SLIT2: variants seen among roughly 807,000 people sequenced by gnomAD.
SLIT2 encodes the protein slit homolog 2 protein.
Under a neutral mutation model 185.7 loss-of-function variants are expected in SLIT2, and 41 were observed. That is an observed-to-expected ratio of 0.22 (90% confidence interval 0.17 to 0.29). SLIT2 has a LOEUF of 0.29. Ranked by LOEUF, SLIT2 falls within the 10% of genes least tolerant of loss-of-function variation. The probability of loss-of-function intolerance (pLI) is 1.00; values close to 1 mark genes in which losing one functional copy is unlikely to be tolerated. For synonymous variants in SLIT2, 693 were observed against 680.2 expected (o/e 1.02, Z -0.29); for missense variants, 1,571 against 1,909.0 (o/e 0.82, Z 3.30).
At chr4:20,565,730 GAAGT>G (rs1203667702) in intron 26 of SLIT2, among the ~76,000 whole-genome samples, 1 of 151,806 alleles carries the variant, frequency 6.6e-6, no homozygotes, top group African/African-American at 2.4e-5. Flanking sequence ...ATCACTAGAA[GAAGT>G]AAGCACCACC....
chr4:20,453,992 G>A (rs531024215), intron 4 of SLIT2, among the ~76,000 whole-genome samples: 42 of 152,256 alleles, frequency 2.8e-4, no homozygotes, highest in African/African-American at 9.4e-4. Flanking sequence ...TTTGTTCACA[G>A]GAAGGCATAC....
chr4:20,531,047 G>T (rs1038672184), intron 16 of SLIT2, among the ~76,000 whole-genome samples: 6 of 151,796 alleles, frequency 4.0e-5, no homozygotes, highest in Non-Finnish European at 8.8e-5. Flanking sequence ...TGAATGTAAA[G>T]CTTCTATGGA....
chr4:20,359,654 A>G (rs1385443577), intron 4 of SLIT2, among the ~76,000 whole-genome samples: 1 of 151,998 alleles, frequency 6.6e-6, no homozygotes, highest in Non-Finnish European at 1.5e-5. Context: ...GGTGCTCAGA[A>G]ATGTTGAATC....
At chr4:20,536,568 A>AGAC (rs1560174621) in intron 18 of SLIT2, among the ~76,000 whole-genome samples, 18 of 150,894 alleles carry the variant, frequency 1.2e-4, no homozygotes, top group African/African-American at 4.1e-4. Context: ...CAAAAAAAAA[A>AGAC]AAAAAAAAAA....
intron 4 of SLIT2, among the ~76,000 whole-genome samples, chr4:20,316,321 A>G (rs1039839722): frequency 1.3e-5 from 2 of 152,062 alleles, no homozygotes; most frequent in Non-Finnish European, 2.9e-5. Context: ...ACAAAAATCA[A>G]AACCCCTCCA....
chr4:20,472,268 A>ATATAGATC (rs1715183273), intron 5 of SLIT2, among the ~76,000 whole-genome samples: 13 of 38,784 alleles, frequency 3.4e-4, no homozygotes, highest in Admixed American at 4.7e-4. Flanking sequence ...CTATATATAG[A>ATATAGATC]TATATATCTA....
chr4:20,386,648 T>A (rs1724959582), intron 4 of SLIT2, among the ~76,000 whole-genome samples: 1 of 152,230 alleles, frequency 6.6e-6, no homozygotes, highest in Non-Finnish European at 1.5e-5. Flanking sequence ...GAGCTATTTA[T>A]ATGTGTCATA....
chr4:20,511,593 T>TTTTTTTTTTTTTTTTTTTTA (rs560002264), intron 11 of SLIT2, among the ~76,000 whole-genome samples: 1 of 134,246 alleles, frequency 7.4e-6, no homozygotes, highest in Non-Finnish European at 1.6e-5. Flanking sequence ...GCTAATTTTT[T>TTTTTTTTTTTTTTTTTTTTA]TTTTTTTTTT....
At chr4:20,567,912 A>G (rs1201750944) in intron 28 of SLIT2, among the ~76,000 whole-genome samples, 15 of 152,110 alleles carry the variant, frequency 9.9e-5, no homozygotes, top group Admixed American at 9.8e-4. Context: ...TGGCTCCATT[A>G]TACTAATTAA....
At chr4:20,425,708 C>A (rs1049284711) in intron 4 of SLIT2, among the ~76,000 whole-genome samples, 3 of 152,100 alleles carry the variant, frequency 2.0e-5, no homozygotes, top group Non-Finnish European at 4.4e-5. Context: ...CAACTTTAAG[C>A]CCCTAGGAAA....
intron 4 of SLIT2, among the ~76,000 whole-genome samples, chr4:20,458,380 CA>C (rs1713325864): frequency 6.6e-6 from 1 of 152,034 alleles, no homozygotes; most frequent in South Asian, 2.1e-4. Context: ...GTAAACCAAA[CA>C]AAAGCTAGAA....
chr4:20,546,983 G>A (rs764849236), intron 22 of SLIT2, among the ~76,000 whole-genome samples: 4 of 152,002 alleles, frequency 2.6e-5, no homozygotes, highest in South Asian at 2.1e-4. Flanking sequence ...ACTGGTTAAC[G>A]AATTAGAAGG....
chr4:20,469,764 T>C (rs1270295566), intron 5 of SLIT2, among the ~76,000 whole-genome samples: 1 of 144,356 alleles, frequency 6.9e-6, no homozygotes, highest in Non-Finnish European at 1.5e-5. Context: ...TTTTTTTTTT[T>C]TTTTTTTTTG....
chr4:20,283,095 T>A (rs1714932116), intron 4 of SLIT2, among the ~76,000 whole-genome samples: 1 of 139,092 alleles, frequency 7.2e-6, no homozygotes, highest in Non-Finnish European at 1.5e-5. Flanking sequence ...ATGTGTGTGT[T>A]GCCTGTGTGC....
intron 4 of SLIT2, among the ~76,000 whole-genome samples, chr4:20,349,323 T>A (rs779687224): frequency 1.5e-4 from 23 of 152,196 alleles, no homozygotes; most frequent in Non-Finnish European, 2.8e-4. Flanking sequence ...TTTGTTTCCA[T>A]CTTATATAAA....
At chr4:20,285,704 C>T (rs1048782081) in intron 4 of SLIT2, among the ~76,000 whole-genome samples, 4 of 152,156 alleles carry the variant, frequency 2.6e-5, no homozygotes, top group Non-Finnish European at 5.9e-5. Flanking sequence ...CACATCACCA[C>T]GCCCAGCTAA....
At chr4:20,255,938 T>C (rs1001090317) in intron 1 of SLIT2, among the ~76,000 whole-genome samples, 2 of 152,140 alleles carry the variant, frequency 1.3e-5, no homozygotes, top group African/African-American at 2.4e-5. Context: ...CAAGTTTAGA[T>C]CTTGACCTGA....
intron 17 of SLIT2, 76 bp from the exon 18 acceptor site, chr4:20,533,496 A>G: frequency 8.6e-7 from 1 of 1,168,716 alleles, no homozygotes; most frequent in East Asian, 2.4e-5. Flanking sequence ...TCATTAGAAG[A>G]AAATTATCAA....
intron 4 of SLIT2, among the ~76,000 whole-genome samples, chr4:20,348,002 A>G (rs1265823464): frequency 6.6e-6 from 1 of 152,240 alleles, no homozygotes; most frequent in Non-Finnish European, 1.5e-5. Context: ...GTTACAATTT[A>G]AACATTGAAT....
Sources: gnomAD v4.1 joint callset for allele counts (sites outside exome capture counted in the v4.1 genomes callset) on GRCh38, gnomAD v4.1.1 for gene constraint, MANE v1.5 for transcripts, NCBI Gene and HGNC (gene_info 2026-07-23, HGNC 2026-07-21) for gene names.